The following AFF3 variants were observed in gnomAD, a reference collection of about 807,000 sequenced individuals.
AFF3 encodes ALF transcription elongation factor 3.
In AFF3, 32 loss-of-function variants were observed where a neutral mutation model predicts 129.7. The observed-to-expected ratio is 0.25, with a 90% CI of 0.19 to 0.33. AFF3 has a LOEUF of 0.33. Among genes scored for constraint, AFF3 ranks in the 10% least tolerant of loss-of-function variants. The pLI is 1.00. For missense variants in AFF3, 1,373 were observed against 1,592.0 expected (o/e 0.86, Z 2.34); for synonymous variants, 644 against 635.4 (o/e 1.01, Z -0.20).
chr2:100,011,895 C>A (rs539081608), intron 4 of AFF3, among the ~76,000 whole-genome samples: 10 of 152,242 alleles, frequency 6.6e-5, no homozygotes, highest in Non-Finnish European at 2.9e-5. Flanking sequence ...TGAGTCATGT[C>A]CTACTCTGAA....
At chr2:99,805,490 A>G (rs1686266252) in intron 8 of AFF3, among the ~76,000 whole-genome samples, 1 of 152,174 alleles carries the variant, frequency 6.6e-6, no homozygotes, top group Non-Finnish European at 1.5e-5. Context: ...GAGAATATGG[A>G]CAGTAATGGC....
chr2:99,738,598 G>A (rs1202037790), intron 10 of AFF3, among the ~76,000 whole-genome samples: 2 of 151,988 alleles, frequency 1.3e-5, no homozygotes, highest in Non-Finnish European at 2.9e-5. Flanking sequence ...TGGCGTCACT[G>A]GTTATATATT....
chr2:99,740,244 GCTA>G (rs1431825226), intron 10 of AFF3, among the ~76,000 whole-genome samples: 2 of 148,808 alleles, frequency 1.3e-5, no homozygotes, highest in Non-Finnish European at 3.0e-5. Context: ...CCAAGTCTTT[GCTA>G]TTGTGAATAG....
intron 8 of AFF3, among the ~76,000 whole-genome samples, chr2:99,835,616 C>T (rs1369965071): frequency 6.6e-6 from 1 of 152,108 alleles, no homozygotes; most frequent in Admixed American, 6.5e-5. Flanking sequence ...GTAAAAAGCT[C>T]CAGGCTCAAC....
intron 4 of AFF3, among the ~76,000 whole-genome samples, chr2:100,081,520 G>C (rs1391888074): frequency 3.6e-4 from 54 of 152,074 alleles, no homozygotes; most frequent in African/African-American, 1.3e-3. Context: ...CCTGCATCCG[G>C]CATTCCTGAA....
chr2:99,746,134 T>A (rs1174023399), intron 9 of AFF3, among the ~76,000 whole-genome samples: 8 of 150,350 alleles, frequency 5.3e-5, no homozygotes, highest in African/African-American at 1.5e-4. Flanking sequence ...ATAAAAAAAA[T>A]TTAAATATGA....
intron 8 of AFF3, among the ~76,000 whole-genome samples, chr2:99,798,224 C>A (rs1685687303): frequency 6.6e-6 from 1 of 151,734 alleles, no homozygotes; most frequent in African/African-American, 2.4e-5. Context: ...ATTCCTAAAG[C>A]AACCACTAAA....
chr2:99,725,194 C>T lies in AFF3; in HGVS notation c.1091+1883G>A, dbSNP rs565812399. Among the ~76,000 whole-genome samples, 5 of 151,978 alleles carry T rather than the reference C, an allele frequency of 3.3e-5. No individual in the cohort carries two copies. The East Asian group carries it at 7.8e-4, about 24-fold the overall frequency. On this transcript the variant is annotated intron_variant, in intron 11 of 24. Coordinates refer to ENST00000672756, the MANE Select transcript of AFF3 (RefSeq NM_001386135.1). ...TTCAGCATGATGGTCAGGCTAGTTTCGAACTCCTGACCTCGTGATCCGCCC... is the reference window on the plus strand; with the variant it reads ...TTCAGCATGATGGTCAGGCTAGTTTTGAACTCCTGACCTCGTGATCCGCCC...
intron 12 of AFF3, among the ~76,000 whole-genome samples, chr2:99,656,606 G>A (rs62154540): frequency 0.035 from 5,258 of 152,028 alleles, 113 homozygotes; most frequent in Non-Finnish European, 0.044. Flanking sequence ...TTTATTTCAC[G>A]GTTTAATTTC....
chr2:99,977,746 G>A (rs1679026193), intron 7 of AFF3, among the ~76,000 whole-genome samples: 1 of 152,176 alleles, frequency 6.6e-6, no homozygotes, highest in Non-Finnish European at 1.5e-5. Context: ...GGACACACAA[G>A]GAGCTGGAAG....
intron 4 of AFF3, among the ~76,000 whole-genome samples, chr2:100,059,001 C>T (rs1418397767): frequency 6.6e-6 from 1 of 151,846 alleles, no homozygotes; most frequent in African/African-American, 2.4e-5. Flanking sequence ...GCATGTAATC[C>T]CAGCACTTTG....
chr2:99,907,416 C>A (rs1265068501), intron 7 of AFF3, among the ~76,000 whole-genome samples: 1 of 152,138 alleles, frequency 6.6e-6, no homozygotes, highest in Non-Finnish European at 1.5e-5. Context: ...ATTCCTTAGA[C>A]ACCAGTTTAG....
intron 9 of AFF3, among the ~76,000 whole-genome samples, chr2:99,745,485 G>A (rs1428084474): frequency 1.3e-5 from 2 of 152,196 alleles, no homozygotes; most frequent in African/African-American, 4.8e-5. Flanking sequence ...CCAAGGTCAT[G>A]AAGATTTAAA....
At chr2:100,058,027 C>T (rs1686950670) in intron 4 of AFF3, among the ~76,000 whole-genome samples, 1 of 152,124 alleles carries the variant, frequency 6.6e-6, no homozygotes, top group Admixed American at 6.5e-5. Context: ...AAAGGACTGA[C>T]CCAAGGCATA....
chr2:99,861,809 C>G (rs1026419351), intron 7 of AFF3, among the ~76,000 whole-genome samples: 3 of 152,118 alleles, frequency 2.0e-5, no homozygotes, highest in African/African-American at 7.2e-5. Flanking sequence ...TCTCATCAAA[C>G]CCCCTTCACC....
chr2:99,993,889 T>C (rs1680596703), intron 7 of AFF3, among the ~76,000 whole-genome samples: 1 of 127,912 alleles, frequency 7.8e-6, no homozygotes, highest in Non-Finnish European at 1.6e-5. Context: ...CATTGCAACC[T>C]CCACCTCCTG....
At chr2:100,104,782 CCCGGCCCGCTGCTGCAG>C in intron 3 of AFF3, 1 of 895,680 alleles carries the variant, frequency 1.1e-6, no homozygotes, top group Non-Finnish European at 1.3e-6. Flanking sequence ...CTCGCGGCGG[CCCGGCCCGCTGCTGCAG>C]CCGCCGCCGC....
Position 100,104,702 on chromosome 2 carries a change from G to C in AFF3, c.-64-184C>G, listed in dbSNP as rs1462396974. The C allele has an allele frequency of 1.3e-3, 1,270 of 964,216 alleles. 2 individuals carry two copies. The highest frequency in any genetic ancestry group is 1.5e-3 in the Non-Finnish European group (1,212 of 822,386). The allele number at this position is 964,216 out of a possible 1,614,324, so 59.7% of individuals were successfully genotyped here. On this transcript the variant is annotated intron_variant, in intron 3 of 24. Coordinates refer to ENST00000672756, the MANE Select transcript of AFF3 (RefSeq NM_001386135.1). ...GGCTTGCGCGCAGGCACACTCAAGA[G>C]AGAGCAGCGAGCTCGCCGCGCCGCC...
At chr2:99,755,338 A>G (rs1682006072) in intron 8 of AFF3, among the ~76,000 whole-genome samples, 1 of 148,316 alleles carries the variant, frequency 6.7e-6, no homozygotes, top group African/African-American at 2.5e-5. Flanking sequence ...GCGCGATCTC[A>G]GCTCACCGCG....
Sources: gnomAD v4.1 joint callset for allele counts (sites outside exome capture counted in the v4.1 genomes callset) on GRCh38, gnomAD v4.1.1 for gene constraint, MANE v1.5 for transcripts, NCBI Gene and HGNC (gene_info 2026-07-23, HGNC 2026-07-21) for gene names.